Variants in RASGRP1 observed in about 807,000 individuals in gnomAD.
RASGRP1 encodes RAS guanyl-releasing protein 1.
In RASGRP1, 37 loss-of-function variants were observed where a neutral mutation model predicts 95.1. That is an observed-to-expected ratio of 0.39 (90% CI 0.30 to 0.51). RASGRP1 has a LOEUF of 0.51. RASGRP1 is among the 20% of genes least tolerant of loss of function. The pLI is 0.80. For missense variants in RASGRP1, 711 were observed against 965.4 expected, an observed-to-expected ratio of 0.74 and a Z score of 3.49; for synonymous variants, 325 against 353.4, an observed-to-expected ratio of 0.92 and a Z score of 0.90.
rs533805554 is a variant in RASGRP1 at position 38,507,085 on chromosome 15, C to T, written c.1242+641G>A. ...TAACTTTAGAACTGGAAGAGAAGTT[C>T]GAAGTCATCCCAGAGACTAATTCGT... On this transcript the variant is annotated intron_variant, in intron 9 of 16. Coordinates refer to ENST00000310803, the MANE Select transcript of RASGRP1 (RefSeq NM_005739.4). Among the ~76,000 whole-genome samples, 15 of 152,274 alleles carry T rather than the reference C, an allele frequency of 9.9e-5. No individual in the cohort carries two copies. The South Asian group carries it at 2.7e-3, about 27-fold the overall frequency.
At chr15:38,544,358 C>A (rs1277011292) in intron 2 of RASGRP1, among the ~76,000 whole-genome samples, 2 of 152,172 alleles carry the variant, frequency 1.3e-5, no homozygotes, top group Non-Finnish European at 2.9e-5. Context: ...GCCAGCCATC[C>A]CAGAATCCCT....
chr15:38,519,949 A>T (rs1891938231), intron 3 of RASGRP1, among the ~76,000 whole-genome samples: 1 of 152,224 alleles, frequency 6.6e-6, no homozygotes, highest in African/African-American at 2.4e-5. Context: ...CATAGATTGT[A>T]ACGGCAAGTC....
intron 3 of RASGRP1, among the ~76,000 whole-genome samples, chr15:38,520,533 A>G (rs1297536625): frequency 6.6e-6 from 1 of 152,194 alleles, no homozygotes; most frequent in Non-Finnish European, 1.5e-5. Context: ...TAGCCTTGAA[A>G]CTTCAATTTG....
chr15:38,539,664 G>A (rs564636295), intron 2 of RASGRP1, among the ~76,000 whole-genome samples: 4 of 151,554 alleles, frequency 2.6e-5, no homozygotes, highest in African/African-American at 7.3e-5. Context: ...CTGGTGTGCC[G>A]CACCCACTAA....
In RASGRP1 at chr15:38,519,298, A is replaced by G. The variant is rs752231220; in HGVS notation, c.389+11T>C. On this transcript the variant is annotated intron_variant, in intron 4 of 16. Coordinates refer to ENST00000310803, the MANE Select transcript of RASGRP1 (RefSeq NM_005739.4). The stretch of plus-strand genomic sequence containing the variant: ...CTCCACAAAGTCTTGAAATACATAA[A>G]GAAACATTACCTTACAAAATAACAG... The G allele has an allele frequency of 6.6e-7, 1 of 1,519,188 alleles. No homozygotes were observed. Among genetic ancestry groups the G allele is most frequent in the East Asian group, 2.3e-5 (1 of 44,390 alleles). The allele number at this position is 1,519,188 out of a possible 1,614,324, so 94.1% of individuals were successfully genotyped here. A position where few individuals can be genotyped will look rare whatever the true frequency, so the allele number is the denominator to read the frequency against.
In RASGRP1 at chr15:38,511,469, C is replaced by T. The variant is rs557724094; in HGVS notation, c.966+135G>A. ...ATCCTATGGATTTCCTTAAGGTTTG[C>T]CTCCCTGCCACTTAGCCTGGTTGAC... On this transcript the variant is annotated intron_variant, in intron 8 of 16. Coordinates refer to ENST00000310803, the MANE Select transcript of RASGRP1 (RefSeq NM_005739.4). The T allele has an allele frequency of 2.8e-5, 18 of 643,786 alleles. No individual in the cohort carries two copies. In the South Asian group the frequency reaches 3.0e-4, roughly 11 times the overall value. 39.9% of individuals were successfully genotyped at this position (643,786 alleles called of 1,614,324 possible).
chr15:38,538,304 T>C (rs142759361), intron 2 of RASGRP1, among the ~76,000 whole-genome samples: 1 of 152,118 alleles, frequency 6.6e-6, no homozygotes, highest in Non-Finnish European at 1.5e-5. Context: ...CTTCAGAACA[T>C]CCTAAGTCAT....
intron 3 of RASGRP1, among the ~76,000 whole-genome samples, chr15:38,522,628 A>C (rs558169185): frequency 6.6e-5 from 10 of 152,338 alleles, no homozygotes; most frequent in Non-Finnish European, 1.2e-4. Context: ...AAAGTCTAGA[A>C]AAGCTTCCCA....
At chr15:38,545,128 T>C (rs1158321090) in intron 2 of RASGRP1, among the ~76,000 whole-genome samples, 3 of 152,260 alleles carry the variant, frequency 2.0e-5, no homozygotes, top group Admixed American at 6.5e-5. Flanking sequence ...TATTGAGACA[T>C]ACATGTTTAC....
intron 15 of RASGRP1, among the ~76,000 whole-genome samples, chr15:38,497,221 C>T (rs1039276515): frequency 1.3e-5 from 2 of 152,116 alleles, no homozygotes; most frequent in Non-Finnish European, 2.9e-5. Context: ...GAGATCAGGG[C>T]CTAGTATAGC....
chr15:38,531,540 T>C (rs1368610565), intron 2 of RASGRP1, among the ~76,000 whole-genome samples: 2 of 152,192 alleles, frequency 1.3e-5, no homozygotes, highest in African/African-American at 4.8e-5. Flanking sequence ...GAACTCAGGG[T>C]TCTGTGCTTA....
At chr15:38,527,923 C>T (rs1892289555) in intron 2 of RASGRP1, among the ~76,000 whole-genome samples, 2 of 152,086 alleles carry the variant, frequency 1.3e-5, no homozygotes, top group South Asian at 4.1e-4. Context: ...AACATCACTG[C>T]ACTCTGTCTG....
intron 2 of RASGRP1, among the ~76,000 whole-genome samples, chr15:38,549,926 C>G (rs1218437888): frequency 2.6e-5 from 4 of 152,048 alleles, no homozygotes; most frequent in South Asian, 2.1e-4. Flanking sequence ...TGTGCTTCTG[C>G]TACGTATCTC....
At chr15:38,518,737 A>G (rs189018813) in intron 4 of RASGRP1, among the ~76,000 whole-genome samples, 377 of 152,342 alleles carry the variant, frequency 2.5e-3, no homozygotes, top group African/African-American at 8.6e-3. Context: ...AGATAAACCA[A>G]ATGTCCAAAA....
intron 1 of RASGRP1, among the ~76,000 whole-genome samples, chr15:38,564,323 G>A (rs891404893): frequency 6.6e-6 from 1 of 152,136 alleles, no homozygotes; most frequent in Non-Finnish European, 1.5e-5. Context: ...TCCGCGAAGA[G>A]CTTCGGCCCT....
intron 15 of RASGRP1, among the ~76,000 whole-genome samples, chr15:38,497,896 A>G (rs975040701): frequency 2.0e-5 from 3 of 152,170 alleles, no homozygotes; most frequent in African/African-American, 7.2e-5. Flanking sequence ...TTAATCTGCA[A>G]GCTCCACTTG....
intron 8 of RASGRP1, among the ~76,000 whole-genome samples, chr15:38,510,353 G>C (rs146019974): frequency 6.6e-6 from 1 of 152,366 alleles, no homozygotes; most frequent in East Asian, 1.9e-4. Flanking sequence ...GTTAAGGAAT[G>C]AAGAGGTGAC....
At chr15:38,492,620 T>G (rs1227407301) in intron 16 of RASGRP1, among the ~76,000 whole-genome samples, 1 of 152,194 alleles carries the variant, frequency 6.6e-6, no homozygotes, top group Non-Finnish European at 1.5e-5. Context: ...AGTGTTGATA[T>G]TAACGTATCC....
intron 5 of RASGRP1, among the ~76,000 whole-genome samples, chr15:38,517,321 G>C (rs1891828882): frequency 6.6e-6 from 1 of 152,188 alleles, no homozygotes; most frequent in Non-Finnish European, 1.5e-5. Context: ...AAGGAGAGCT[G>C]GGGTTGAGAA....
Sources: allele counts gnomAD v4.1 joint callset (sites outside exome capture counted in the v4.1 genomes callset), GRCh38; gene constraint gnomAD v4.1.1; transcripts MANE v1.5; gene names NCBI Gene and HGNC (gene_info 2026-07-23, HGNC 2026-07-21).